The following PPP2R2B variants were observed in gnomAD, a reference collection of about 807,000 sequenced individuals.
PPP2R2B encodes protein phosphatase 2 regulatory subunit Bbeta.
In PPP2R2B, 5 loss-of-function variants were observed where a neutral mutation model predicts 46.0. That is an observed-to-expected ratio of 0.11 (90% CI 0.06 to 0.23). The LOEUF (loss-of-function observed/expected upper bound fraction) is 0.23. Ranked by LOEUF, PPP2R2B falls within the 10% of genes least tolerant of loss-of-function variation. The pLI is 1.00. For synonymous variants in PPP2R2B, 215 were observed against 206.7 expected (o/e 1.04, Z -0.34); for missense variants, 367 against 575.0 (o/e 0.64, Z 3.70).
chr5:146,844,232 T>C (rs1316241181), intron 2 of PPP2R2B, among the ~76,000 whole-genome samples: 17 of 145,762 alleles, frequency 1.2e-4, no homozygotes, highest in East Asian at 6.5e-4. Flanking sequence ...CGGGATAGCA[T>C]TGGGAGATAT....
intron 4 of PPP2R2B, among the ~76,000 whole-genome samples, chr5:146,691,444 G>A (rs1440118669): frequency 6.6e-6 from 1 of 152,136 alleles, no homozygotes; most frequent in Non-Finnish European, 1.5e-5. Context: ...ACATTATGCT[G>A]GGACAAATGG....
In PPP2R2B at chr5:146,642,677, G is replaced by C. The variant is rs537665552; in HGVS notation, c.626-4262C>G. 7.2e-5 allele frequency among the ~76,000 whole-genome samples: 11 copies of C among 152,282 alleles called. No individual in the cohort carries two copies. The South Asian group carries it at 2.3e-3, about 32-fold the overall frequency. The stretch of plus-strand genomic sequence containing the variant: ...AAACATTAGTGATAGTTCTATCAGG[G>C]TGGGTTTACGAATGGTTTTTCTTTT... On this transcript the variant is annotated intron_variant, in intron 6 of 9. Transcript: ENST00000394411.
intron 1 of PPP2R2B, among the ~76,000 whole-genome samples, chr5:146,943,333 T>C (rs549880628): frequency 2.6e-5 from 4 of 152,292 alleles, no homozygotes; most frequent in Admixed American, 1.3e-4. Flanking sequence ...AAAGGCCTTG[T>C]ACTAATTCAC....
chr5:146,774,659 G>A (rs161029), intron 2 of PPP2R2B, among the ~76,000 whole-genome samples: 1 of 151,676 alleles, frequency 6.6e-6, no homozygotes, highest in Non-Finnish European at 1.5e-5. Flanking sequence ...TCTACTAAAA[G>A]TACAAAAATT....
intron 2 of PPP2R2B, chr5:146,706,919 C>T (rs562053692): frequency 1.4e-5 from 17 of 1,241,854 alleles, no homozygotes; most frequent in African/African-American, 8.8e-5. Flanking sequence ...CTGCAGCTCC[C>T]GGATCTCCTC....
intron 2 of PPP2R2B, among the ~76,000 whole-genome samples, chr5:146,714,879 C>T (rs183585404): frequency 6.6e-6 from 1 of 152,198 alleles, no homozygotes; most frequent in East Asian, 1.9e-4. Flanking sequence ...CTGCTTTCCA[C>T]TCATCTCTTC....
intron 1 of PPP2R2B, among the ~76,000 whole-genome samples, chr5:146,972,884 A>G (rs1239885652): frequency 6.6e-6 from 1 of 152,132 alleles, no homozygotes; most frequent in Non-Finnish European, 1.5e-5. Context: ...TTGTTATGAG[A>G]AATAAGCCTT....
At chr5:146,737,366 C>T (rs1028187123) in intron 2 of PPP2R2B, among the ~76,000 whole-genome samples, 1 of 152,164 alleles carries the variant, frequency 6.6e-6, no homozygotes, top group African/African-American at 2.4e-5. Flanking sequence ...AAGAAAACAT[C>T]GTTGGCTCCA....
chr5:146,936,121 C>G (rs2151825700), intron 1 of PPP2R2B, among the ~76,000 whole-genome samples: 1 of 152,234 alleles, frequency 6.6e-6, no homozygotes, highest in Non-Finnish European at 1.5e-5. Flanking sequence ...AGCTCTGCTG[C>G]CATCAGTTTA....
chr5:146,788,207 G>C (rs1179803400), intron 2 of PPP2R2B, among the ~76,000 whole-genome samples: 1 of 151,936 alleles, frequency 6.6e-6, no homozygotes, highest in African/African-American at 2.4e-5. Context: ...GGAGGAGGAA[G>C]AAAAATAAAT....
At chr5:146,855,696 T>C (rs1426039975) in intron 2 of PPP2R2B, among the ~76,000 whole-genome samples, 3 of 152,184 alleles carry the variant, frequency 2.0e-5, no homozygotes, top group Non-Finnish European at 2.9e-5. Flanking sequence ...AAACTCCACC[T>C]CTAAAGAGAA....
intron 1 of PPP2R2B, among the ~76,000 whole-genome samples, chr5:146,970,771 A>G (rs1450511457): frequency 1.3e-5 from 2 of 152,192 alleles, no homozygotes; most frequent in Non-Finnish European, 2.9e-5. Flanking sequence ...CTCACCACAA[A>G]TTAGGTAATT....
At chr5:146,891,533 A>G (rs1323285801) in intron 1 of PPP2R2B, among the ~76,000 whole-genome samples, 1 of 152,226 alleles carries the variant, frequency 6.6e-6, no homozygotes, top group Admixed American at 6.5e-5. Context: ...GTTTCATTAT[A>G]AAGGAGTATG....
chr5:146,667,293 C>T (rs935766444), intron 5 of PPP2R2B, among the ~76,000 whole-genome samples: 1 of 150,172 alleles, frequency 6.7e-6, no homozygotes, highest in African/African-American at 2.4e-5. Flanking sequence ...AGAAGGTTTG[C>T]TGGTTCCAAG....
intron 2 of PPP2R2B, among the ~76,000 whole-genome samples, chr5:146,782,669 C>G (rs1406107526): frequency 6.6e-6 from 1 of 151,952 alleles, no homozygotes; most frequent in Non-Finnish European, 1.5e-5. Flanking sequence ...TTTTCCTTGC[C>G]CATTTTTTTT....
chr5:146,879,193 T>C (rs1762080973), upstream of PPP2R2B: 1 of 153,380 alleles, frequency 6.5e-6, no homozygotes, highest in Non-Finnish European at 1.5e-5. Flanking sequence ...GCTCGAAGCT[T>C]CAGAAAAAGA....
chr5:146,657,765 A>C (rs1426013736), intron 5 of PPP2R2B, among the ~76,000 whole-genome samples: 1 of 152,148 alleles, frequency 6.6e-6, no homozygotes, highest in Admixed American at 6.5e-5. Flanking sequence ...CAACATAATC[A>C]ACATTATGGG....
At chr5:146,680,980 A>G (rs1778132571) in intron 5 of PPP2R2B, among the ~76,000 whole-genome samples, 1 of 152,222 alleles carries the variant, frequency 6.6e-6, no homozygotes, top group Non-Finnish European at 1.5e-5. Context: ...CAAAGACAAG[A>G]TAGTATCTTG....
At chr5:146,792,128 A>G (rs1290511183) in intron 2 of PPP2R2B, among the ~76,000 whole-genome samples, 1 of 152,178 alleles carries the variant, frequency 6.6e-6, no homozygotes, top group African/African-American at 2.4e-5. Context: ...CAGAGGACAG[A>G]GACTATTGAA....
Sources: gnomAD v4.1 joint callset for allele counts (sites outside exome capture counted in the v4.1 genomes callset) on GRCh38, gnomAD v4.1.1 for gene constraint, MANE v1.5 for transcripts, NCBI Gene and HGNC (gene_info 2026-07-23, HGNC 2026-07-21) for gene names.